Variants in SPON1 observed in about 807,000 individuals in gnomAD.
SPON1 encodes the protein spondin 1.
In SPON1, 52 loss-of-function variants were observed where a neutral mutation model predicts 111.7. The observed-to-expected ratio is 0.47, with a 90% confidence interval of 0.37 to 0.59. The LOEUF is 0.59. SPON1 is among the 20% of genes least tolerant of loss of function. SPON1 has a pLI of 0.00. For synonymous variants in SPON1, 410 were observed against 395.8 expected (o/e 1.04, Z -0.43); for missense variants, 957 against 1,068.5 (o/e 0.90, Z 1.46).
rs1849087346 is a variant in SPON1, at chr11:14,254,696, G to A, written c.1059G>A (p.Trp353Ter). The A allele has an allele frequency of 6.2e-7, 1 of 1,613,828 alleles. No homozygotes were observed. Among genetic ancestry groups the A allele is most frequent in the Non-Finnish European group, 8.5e-7 (1 of 1,179,892 alleles). Reference protein sequence around the residue: ...VQKVVQDLIPWDAGTDSGVTY... With the variant: ...VQKVVQDLIP ...AGGTGGTGCAAGACCTGATTCCCTGGGACGCTGGCACCGACAGCGGGGTGA... is the reference window on the plus strand; with the variant it reads ...AGGTGGTGCAAGACCTGATTCCCTGAGACGCTGGCACCGACAGCGGGGTGA... Residue 353 changes from tryptophan (W) to a stop codon, truncating the protein, a stop_gained, in exon 8 of 16, where the codon TGG becomes TGA. Coordinates refer to ENST00000576479, the MANE Select transcript of SPON1 (RefSeq NM_006108.4). LOFTEE classifies it high-confidence loss of function.
At chr11:14,088,604 G>T (rs56201436) in intron 5 of SPON1, among the ~76,000 whole-genome samples, 5,216 of 150,468 alleles carry the variant, frequency 0.035, 104 homozygotes, top group Non-Finnish European at 0.055. Flanking sequence ...TGACAATTAT[G>T]TGTTTTGGGG....
At chr11:14,180,623 T>C (rs943968748) in intron 6 of SPON1, among the ~76,000 whole-genome samples, 3 of 152,224 alleles carry the variant, frequency 2.0e-5, no homozygotes, top group Admixed American at 6.5e-5. Flanking sequence ...ACCTGACATA[T>C]CTTATGCTTC....
chr11:14,065,208 G>A (rs1554920246), intron 3 of SPON1, among the ~76,000 whole-genome samples: 3 of 152,172 alleles, frequency 2.0e-5, no homozygotes, highest in African/African-American at 7.2e-5. Flanking sequence ...CCGCCCTCAA[G>A]GACCTTGCTC....
chr11:14,155,461 C>G (rs1847833999), intron 6 of SPON1, among the ~76,000 whole-genome samples: 1 of 151,954 alleles, frequency 6.6e-6, no homozygotes, highest in East Asian at 1.9e-4. Flanking sequence ...AGGAGGAAGG[C>G]AGGGGAGGTG....
At chr11:14,033,460 CA>C (rs1554916291) in intron 2 of SPON1, among the ~76,000 whole-genome samples, 1 of 152,036 alleles carries the variant, frequency 6.6e-6, no homozygotes, top group Non-Finnish European at 1.5e-5. Context: ...GGTGACGTAT[CA>C]GGGGAGATAA....
In SPON1 at chr11:14,228,795, G is replaced by A. The variant is rs544480683; in HGVS notation, c.826-14537G>A. Among the ~76,000 whole-genome samples the A allele has an allele frequency of 2.6e-4, 39 of 152,286 alleles. No individual in the cohort carries two copies. The South Asian group carries it at 5.8e-3, about 23-fold the overall frequency. On this transcript the variant is annotated intron_variant, in intron 6 of 15. Coordinates refer to ENST00000576479, the MANE Select transcript of SPON1 (RefSeq NM_006108.4). This position sits in a 1 kb window ranked among gnomAD's most constrained non-coding sequence, Gnocchi z 4.2. ...CACAATAAAGTTGTATAGGGCAACC[G>A]TGAGATGTGAAAACAAATGCATCCC... is the stretch of plus-strand genomic sequence containing the variant.
At chr11:14,146,430 G>A (rs939785183) in intron 6 of SPON1, among the ~76,000 whole-genome samples, 9 of 152,154 alleles carry the variant, frequency 5.9e-5, no homozygotes, top group South Asian at 4.2e-4. Flanking sequence ...GATTACAGGC[G>A]TGAGCCACCA....
Position 13,992,392 on chromosome 11 carries a change from G to A in SPON1, c.345+9439G>A, listed in dbSNP as rs184506698. The stretch of plus-strand genomic sequence containing the variant: ...TGTCTACTCAAGCCTCAGGAATGGC[G>A]GACGCCCCTTCCTCCACCAAGCTCG... On this transcript the variant is annotated intron_variant, in intron 2 of 15. Transcript: ENST00000576479. Among the ~76,000 whole-genome samples the A allele has an allele frequency of 7.6e-4, 115 of 152,220 alleles. 2 individuals carry two copies. The South Asian group carries it at 0.015, about 20-fold the overall frequency.
chr11:13,991,634 G>A (rs140542432), intron 2 of SPON1, among the ~76,000 whole-genome samples: 6 of 152,178 alleles, frequency 3.9e-5, no homozygotes, highest in East Asian at 1.9e-4. Context: ...GAGGAGTTGC[G>A]ATCCTTTGTA....
intron 3 of SPON1, among the ~76,000 whole-genome samples, chr11:14,063,827 G>A (rs367921061): frequency 1.3e-5 from 2 of 152,194 alleles, no homozygotes. Flanking sequence ...TTCAGCCTCC[G>A]TGGTTCCTTT....
chr11:13,994,268 A>G (rs1314371953), intron 2 of SPON1, among the ~76,000 whole-genome samples: 1 of 152,240 alleles, frequency 6.6e-6, no homozygotes, highest in Admixed American at 6.5e-5. Context: ...TAGGATTTTT[A>G]AAACTGCCAT....
intron 5 of SPON1, among the ~76,000 whole-genome samples, chr11:14,129,418 G>A (rs7106764): frequency 0.77 from 116,770 of 152,156 alleles, 45,292 homozygotes; most frequent in African/African-American, 0.88. Context: ...AAATGCTGCC[G>A]CTCCCTTTGC....
chr11:14,199,961 G>A (rs897007645), intron 6 of SPON1, among the ~76,000 whole-genome samples: 8 of 152,016 alleles, frequency 5.3e-5, no homozygotes, highest in South Asian at 2.1e-4. Flanking sequence ...ATTCCAAACC[G>A]CTTACAGTAC....
At chr11:14,068,699 A>G (rs1848851926) in intron 3 of SPON1, among the ~76,000 whole-genome samples, 1 of 152,164 alleles carries the variant, frequency 6.6e-6, no homozygotes, top group Non-Finnish European at 1.5e-5. Context: ...ACACCTGGTC[A>G]ACCTCATTTC....
intron 3 of SPON1, among the ~76,000 whole-genome samples, chr11:14,046,748 T>C (rs186155786): frequency 4.3e-4 from 66 of 152,352 alleles, no homozygotes; most frequent in Non-Finnish European, 7.9e-4. Flanking sequence ...TTGTGTTTGA[T>C]AAAAAATCAT....
At chr11:14,013,104 A>G (rs1293730198) in intron 2 of SPON1, among the ~76,000 whole-genome samples, 1 of 152,176 alleles carries the variant, frequency 6.6e-6, no homozygotes, top group Non-Finnish European at 1.5e-5. Context: ...TTCAGCCTGA[A>G]CCTAGGATGT....
chr11:14,121,295 T>C (rs962730520), intron 5 of SPON1, among the ~76,000 whole-genome samples: 1 of 152,206 alleles, frequency 6.6e-6, no homozygotes. Flanking sequence ...GGGTGAATAT[T>C]ACTGAATTCA....
intron 2 of SPON1, 86 bp from the exon 3 acceptor site, chr11:14,041,435 T>C (rs1848630496): frequency 2.7e-6 from 4 of 1,478,630 alleles, no homozygotes; most frequent in Admixed American, 2.0e-5. Flanking sequence ...AGTTTAAAAA[T>C]AAAGTTAAGG....
intron 3 of SPON1, 135 bp from the exon 4 acceptor site, chr11:14,075,210 T>G: frequency 1.6e-6 from 1 of 644,308 alleles, no homozygotes; most frequent in Non-Finnish European, 2.8e-6. Context: ...TTATGTTAAT[T>G]TTCTCATGAA....
Sources: gnomAD v4.1 joint callset for allele counts (sites outside exome capture counted in the v4.1 genomes callset) on GRCh38, gnomAD v4.1.1 for gene constraint, Gnocchi (gnomAD v3.1) non-coding constraint, MANE v1.5 for transcripts, NCBI Gene and HGNC (gene_info 2026-07-23, HGNC 2026-07-21) for gene names.